Variants in CD53 observed in about 807,000 individuals in gnomAD.
The protein encoded by CD53 is CD53 molecule.
CD53 carries 20 observed loss-of-function variants against 27.3 expected under a neutral mutation model. The ratio of observed to expected loss-of-function variants is 0.73; its 90% CI spans 0.52 to 1.07. The LOEUF is 1.07. CD53 is among the 50% of genes least tolerant of loss of function. The pLI is 0.00. For synonymous variants in CD53, 106 were observed against 105.3 expected (o/e 1.01, Z -0.04); for missense variants, 216 against 264.0 (o/e 0.82, Z 1.26).
intron 1 of CD53, among the ~76,000 whole-genome samples, chr1:110,882,758 T>C (rs1656409352): frequency 6.6e-6 from 1 of 152,022 alleles, no homozygotes; most frequent in Non-Finnish European, 1.5e-5. Context: ...TGTTTTTAAG[T>C]TTTCAGTGTA....
At chr1:110,885,594 G>T (rs1656551461) in intron 1 of CD53, among the ~76,000 whole-genome samples, 1 of 151,774 alleles carries the variant, frequency 6.6e-6, no homozygotes, top group Admixed American at 6.6e-5. Flanking sequence ...GAGGTGCGGT[G>T]GCTCAAGCCT....
chr1:110,880,879 C>T lies in CD53; in HGVS notation c.-18+7631C>T, dbSNP rs117909761. Among the ~76,000 whole-genome samples, 104 of 152,154 alleles carry T rather than the reference C, an allele frequency of 6.8e-4. 3 individuals carry two copies. In the East Asian group the frequency reaches 0.02, roughly 29 times the overall value. On this transcript the variant is annotated intron_variant, in intron 1 of 7. Transcript: ENST00000271324. The stretch of plus-strand genomic sequence containing the variant: ...GGCAAGTGAGGGTTGGGTGTGAAGA[C>T]TTAGACACAAACAGAGAGGACTTCC...
intron 5 of CD53, among the ~76,000 whole-genome samples, chr1:110,895,565 T>C (rs1657025841): frequency 6.6e-6 from 1 of 152,154 alleles, no homozygotes; most frequent in Admixed American, 6.6e-5. Flanking sequence ...TATAATCTAT[T>C]TGTGTCTCGA....
rs772819818 is a variant in CD53 at position 110,899,114 on chromosome 1, C to T, written c.589-10C>T. ...ATGAAGACTTCAAATTTTCCCAACTCTTTTCACAGGTGTTGGGGATGTCCT... is the reference window on the plus strand; with the variant it reads ...ATGAAGACTTCAAATTTTCCCAACTTTTTTCACAGGTGTTGGGGATGTCCT... On this transcript the variant is annotated splice_polypyrimidine_tract_variant and intron_variant, in intron 7 of 7. Coordinates refer to ENST00000271324, the MANE Select transcript of CD53 (RefSeq NM_000560.4). 6.8e-6 allele frequency: 11 copies of T among 1,612,190 alleles called. No homozygotes were observed. The highest frequency in any genetic ancestry group is 3.3e-4 in the Middle Eastern group (2 of 6,078).
At chr1:110,899,054 C>T (rs1298667823) in intron 7 of CD53, 70 bp from the exon 8 acceptor site, 1 of 1,173,316 alleles carries the variant, frequency 8.5e-7, no homozygotes, top group Non-Finnish European at 1.3e-6. Context: ...TCTCAGAGGC[C>T]AATCCCAGGC....
In CD53 at chr1:110,896,745, G is replaced by A. The variant is rs369622864; in HGVS notation, c.504+12G>A. The A allele has an allele frequency of 1.4e-5, 23 of 1,609,484 alleles. No homozygotes were observed. The highest frequency in any genetic ancestry group is 4.0e-5 in the African/African-American group (3 of 74,622). On this transcript the variant is annotated intron_variant, in intron 6 of 7. Transcript: ENST00000271324. ...ATCGAAAAGTGGAGGTAATTTTGTC[G>A]GCAATGTTTCTGTTATTGACCTCTT... is the stretch of plus-strand genomic sequence containing the variant.
intron 5 of CD53, 110 bp downstream of exon 5, chr1:110,895,165 C>A: frequency 1.3e-6 from 1 of 774,850 alleles, no homozygotes; most frequent in East Asian, 2.6e-5. Context: ...GGTCCACATC[C>A]CTGAATCCCA....
chr1:110,871,228 G>A (rs1655953795), upstream of CD53, among the ~76,000 whole-genome samples: 1 of 152,142 alleles, frequency 6.6e-6, no homozygotes, highest in Admixed American at 6.5e-5. Flanking sequence ...ATCCAAGGTG[G>A]TCTTGAAGGA....
intron 1 of CD53, among the ~76,000 whole-genome samples, chr1:110,879,273 C>A (rs1656254201): frequency 6.6e-6 from 1 of 152,146 alleles, no homozygotes; most frequent in Non-Finnish European, 1.5e-5. Context: ...GCCCTCAGAA[C>A]AACCTCTGAG....
At chr1:110,897,584 C>G in intron 6 of CD53, 1 of 403,584 alleles carries the variant, frequency 2.5e-6, no homozygotes, top group Non-Finnish European at 4.5e-6. Context: ...TCTAGGACTT[C>G]TACATTAGTT....
At chr1:110,892,743 C>A in intron 3 of CD53, 1 of 498,490 alleles carries the variant, frequency 2.0e-6, no homozygotes, top group South Asian at 3.4e-5. Context: ...TTGCTATCCC[C>A]CTTGTAGCCA....
chr1:110,885,357 G>T (rs1377686910), intron 1 of CD53, among the ~76,000 whole-genome samples: 2 of 151,708 alleles, frequency 1.3e-5, no homozygotes, highest in Non-Finnish European at 2.9e-5. Flanking sequence ...GAGACCACGG[G>T]GAAACCCCGT....
At chr1:110,897,561 C>T (rs1351785462) in intron 6 of CD53, 2 of 325,548 alleles carry the variant, frequency 6.1e-6, no homozygotes, top group African/African-American at 2.1e-5. Context: ...TAGTTTAACT[C>T]AGCGGGTAAG....
At chr1:110,872,278 C>T (rs2101032078), upstream of CD53, among the ~76,000 whole-genome samples, 1 of 152,282 alleles carries the variant, frequency 6.6e-6, no homozygotes, top group East Asian at 1.9e-4. Flanking sequence ...TCTCAAAAGG[C>T]CTTCTCTGTG....
chr1:110,894,930 T>C (rs1396100262), intron 4 of CD53, 30 bp from the exon 5 acceptor site: 2 of 1,557,678 alleles, frequency 1.3e-6, no homozygotes, highest in Non-Finnish European at 1.8e-6. Context: ...CTTTTTACCA[T>C]GTCTCCTCTG....
At chr1:110,884,778 T>A (rs1256759324) in intron 1 of CD53, among the ~76,000 whole-genome samples, 1 of 152,120 alleles carries the variant, frequency 6.6e-6, no homozygotes, top group Non-Finnish European at 1.5e-5. Context: ...TTCCCTTTTA[T>A]TAGTGTTAGT....
At chr1:110,877,939 C>A (rs1226929702) in intron 1 of CD53, among the ~76,000 whole-genome samples, 1 of 152,212 alleles carries the variant, frequency 6.6e-6, no homozygotes, top group Non-Finnish European at 1.5e-5. Context: ...AATGGAAGGT[C>A]TTCTCCTGGA....
chr1:110,880,239 T>C (rs1284643524), intron 1 of CD53: 1 of 152,176 alleles, frequency 6.6e-6, no homozygotes, highest in Non-Finnish European at 1.5e-5. Flanking sequence ...GCTTAATCAC[T>C]GCCCAGTAAC....
At chr1:110,881,067 G>A (rs1454239178) in intron 1 of CD53, among the ~76,000 whole-genome samples, 2 of 152,174 alleles carry the variant, frequency 1.3e-5, no homozygotes, top group Non-Finnish European at 2.9e-5. Context: ...ATAATACAGG[G>A]GGTGTTGCCA....
Sources: gnomAD v4.1 joint callset for allele counts (sites outside exome capture counted in the v4.1 genomes callset) on GRCh38, gnomAD v4.1.1 for gene constraint, MANE v1.5 for transcripts, NCBI Gene and HGNC (gene_info 2026-07-23, HGNC 2026-07-21) for gene names.